Variants in ATF6 observed in about 807,000 individuals in gnomAD.
ATF6 encodes the protein cyclic AMP-dependent transcription factor ATF-6 alpha.
A neutral mutation model predicts 83.6 loss-of-function variants in ATF6; 53 were observed. That is an observed-to-expected ratio of 0.63 (90% CI 0.51 to 0.80). ATF6 has a LOEUF of 0.80. Among genes scored for constraint, ATF6 ranks in the 30% least tolerant of loss-of-function variants. The pLI, the probability that ATF6 is intolerant of heterozygous loss-of-function variation, is 0.00. For synonymous variants in ATF6, 288 were observed against 285.8 expected (o/e 1.01, Z -0.08); for missense variants, 744 against 797.9 (o/e 0.93, Z 0.81).
At chr1:161,814,539 T>C (rs1685562239) in intron 7 of ATF6, among the ~76,000 whole-genome samples, 1 of 152,228 alleles carries the variant, frequency 6.6e-6, no homozygotes, top group South Asian at 2.1e-4. Flanking sequence ...AGGATGAAGA[T>C]TATTTCCTTG....
rs372494817 is a variant in ATF6 at position 161,880,114 on chromosome 1, G to A, written c.1719+16802G>A. ...CCTTGTGTTCAGATTTCTGTCTTGA[G>A]TGGCTGGTTTGAATCTAATTTTCTG... On this transcript the variant is annotated intron_variant, in intron 14 of 15. Coordinates refer to ENST00000367942, the MANE Select transcript of ATF6 (RefSeq NM_007348.4). 2.9e-3 allele frequency among the ~76,000 whole-genome samples: 435 copies of A among 152,178 alleles called. 3 individuals are homozygous for A. Among genetic ancestry groups the A allele is most frequent in the African/African-American group, 9.6e-3 (398 of 41,526 alleles).
At chr1:161,876,992 A>G (rs1687228373) in intron 14 of ATF6, among the ~76,000 whole-genome samples, 1 of 152,094 alleles carries the variant, frequency 6.6e-6, no homozygotes, top group Non-Finnish European at 1.5e-5. Context: ...TTTAAAAATA[A>G]TATTATAAAA....
At chr1:161,816,247 G>C (rs373674986) in intron 7 of ATF6, among the ~76,000 whole-genome samples, 31 of 152,204 alleles carry the variant, frequency 2.0e-4, no homozygotes, top group African/African-American at 7.2e-4. Flanking sequence ...CTGGCCAGCT[G>C]TTCGCTTATT....
At chr1:161,780,746 G>A (rs1275329014) in intron 2 of ATF6, among the ~76,000 whole-genome samples, 1 of 152,098 alleles carries the variant, frequency 6.6e-6, no homozygotes, top group African/African-American at 2.4e-5. Flanking sequence ...GTCTGGCTCT[G>A]TCTCCCAGGA....
intron 9 of ATF6, among the ~76,000 whole-genome samples, chr1:161,840,755 A>G (rs919170724): frequency 2.6e-5 from 4 of 152,196 alleles, no homozygotes; most frequent in African/African-American, 9.6e-5. Context: ...CATGCTTTTC[A>G]GGACCAATGG....
intron 9 of ATF6, among the ~76,000 whole-genome samples, chr1:161,823,447 A>AT (rs928439978): frequency 2.6e-5 from 4 of 152,266 alleles, no homozygotes; most frequent in African/African-American, 9.6e-5. Context: ...GCAATCCAAA[A>AT]TTTTGAAAAC....
At chr1:161,941,178 A>G (rs1238346133) in intron 15 of ATF6, among the ~76,000 whole-genome samples, 2 of 152,246 alleles carry the variant, frequency 1.3e-5, no homozygotes, top group Non-Finnish European at 2.9e-5. Flanking sequence ...GTACCCTATC[A>G]ACTGAATCTG....
chr1:161,905,933 C>T (rs1029787697), intron 14 of ATF6, among the ~76,000 whole-genome samples: 5 of 152,044 alleles, frequency 3.3e-5, no homozygotes, highest in East Asian at 1.9e-4. Flanking sequence ...CCCAGGTTCA[C>T]GCCATTCTCC....
At position 161,792,221 on chromosome 1, in the gene ATF6, A is replaced by G. The variant is rs1285206571; in HGVS notation, c.582A>G (p.Thr194=). The change falls in exon 6 of 16, where the codon ACA becomes ACG. Residue 194 remains threonine (T), a synonymous_variant. Transcript: ENST00000367942. ...TTCCAGCAGCACCCAAGACTCAAAC[A>G]AACTCCAGTGTTCCAGCAAAAACCA... ...LLLPAAPKTQ[T]NSSVPAKTII... is the part of the protein sequence containing the mutation. The G allele has an allele frequency of 3.1e-6, 5 of 1,614,078 alleles. No individual in the cohort carries two copies. The highest frequency in any genetic ancestry group is 2.7e-5 in the African/African-American group (2 of 74,950).
At chr1:161,880,764 G>T (rs1484503043) in intron 14 of ATF6, among the ~76,000 whole-genome samples, 2 of 152,068 alleles carry the variant, frequency 1.3e-5, no homozygotes, top group African/African-American at 4.8e-5. Context: ...AAATACCTAG[G>T]AGTGGGATGG....
chr1:161,912,674 T>TTC (rs951071446), intron 15 of ATF6, among the ~76,000 whole-genome samples: 1 of 152,188 alleles, frequency 6.6e-6, no homozygotes, highest in African/African-American at 2.4e-5. Context: ...AAATGTAGTG[T>TTC]AAGAAGCCCC....
intron 9 of ATF6, among the ~76,000 whole-genome samples, chr1:161,829,816 A>C (rs1686004934): frequency 6.6e-6 from 1 of 152,198 alleles, no homozygotes; most frequent in Non-Finnish European, 1.5e-5. Flanking sequence ...AAAATAAAAG[A>C]GCTATTTATG....
intron 9 of ATF6, among the ~76,000 whole-genome samples, chr1:161,825,129 G>A (rs934386498): frequency 6.6e-6 from 1 of 152,106 alleles, no homozygotes; most frequent in Admixed American, 6.5e-5. Context: ...AGGCTGGAGT[G>A]CAGTGGTGTG....
Position 161,883,816 on chromosome 1 carries a change from T to C in ATF6, c.1719+20504T>C, listed in dbSNP as rs553569242. 5.9e-5 allele frequency among the ~76,000 whole-genome samples: 9 copies of C among 152,176 alleles called. No individual in the cohort carries two copies. The East Asian group carries it at 1.7e-3, about 29-fold the overall frequency. ...TCATTTTCAGATGAAGCCTGTCACCTTGACATTTTTATATATAATAGGAAT... is the reference window on the plus strand; with the variant it reads ...TCATTTTCAGATGAAGCCTGTCACCCTGACATTTTTATATATAATAGGAAT... On this transcript the variant is annotated intron_variant, in intron 14 of 15. Coordinates refer to ENST00000367942, the MANE Select transcript of ATF6 (RefSeq NM_007348.4).
At chr1:161,845,302 T>C (rs949805610) in intron 9 of ATF6, among the ~76,000 whole-genome samples, 1 of 152,180 alleles carries the variant, frequency 6.6e-6, no homozygotes, top group African/African-American at 2.4e-5. Context: ...TACTTTCCTC[T>C]TGCATTTTAT....
At chr1:161,890,293 C>T (rs988143910) in intron 14 of ATF6, among the ~76,000 whole-genome samples, 2 of 152,166 alleles carry the variant, frequency 1.3e-5, no homozygotes, top group African/African-American at 4.8e-5. Flanking sequence ...AGTTTGCTAA[C>T]CTGATTTAAA....
intron 9 of ATF6, among the ~76,000 whole-genome samples, chr1:161,838,049 G>T (rs1173122346): frequency 6.6e-6 from 1 of 152,170 alleles, no homozygotes; most frequent in African/African-American, 2.4e-5. Context: ...AAAGGAGTTG[G>T]CATTTACAGT....
intron 6 of ATF6, among the ~76,000 whole-genome samples, chr1:161,798,592 A>G (rs1685073527): frequency 6.6e-6 from 1 of 152,186 alleles, no homozygotes; most frequent in Non-Finnish European, 1.5e-5. Flanking sequence ...AGCCTGGGTG[A>G]CAGAGCTCAA....
intron 2 of ATF6, among the ~76,000 whole-genome samples, chr1:161,778,721 C>G (rs191971397): frequency 1.3e-5 from 2 of 152,148 alleles, no homozygotes; most frequent in African/African-American, 4.8e-5. Context: ...CTAAGTTAGT[C>G]CTTTTTAAAA....
Sources: allele counts gnomAD v4.1 joint callset (sites outside exome capture counted in the v4.1 genomes callset), GRCh38; gene constraint gnomAD v4.1.1; transcripts MANE v1.5; gene names NCBI Gene and HGNC (gene_info 2026-07-23, HGNC 2026-07-21).